SASH1: variants seen among roughly 807,000 people sequenced by gnomAD.
SASH1 encodes the protein SAM and SH3 domain-containing protein 1.
SASH1 carries 44 observed loss-of-function variants against 125.2 expected under a neutral mutation model. The ratio of observed to expected loss-of-function variants is 0.35; its 90% CI spans 0.28 to 0.45. SASH1 has a LOEUF of 0.45. SASH1 is among the 20% of genes least tolerant of loss of function. The pLI, the probability that SASH1 is intolerant of heterozygous loss-of-function variation, is 1.00. For missense variants in SASH1, 1,426 were observed against 1,614.5 expected, an observed-to-expected ratio of 0.88 and a Z score of 2.00; for synonymous variants, 639 against 649.1, an observed-to-expected ratio of 0.98 and a Z score of 0.24.
intron 1 of SASH1, among the ~76,000 whole-genome samples, chr6:148,369,554 C>T (rs1350321007): frequency 6.6e-6 from 1 of 152,126 alleles, no homozygotes; most frequent in Non-Finnish European, 1.5e-5. Context: ...ATACCTGAGG[C>T]AGATACCTCT....
the SASH1 span, among the ~76,000 whole-genome samples, chr6:148,224,670 T>C: frequency 6.6e-6 from 1 of 152,112 alleles, no homozygotes; most frequent in Non-Finnish European, 1.5e-5. Context: ...CTCCATTATT[T>C]TTATTTATAC....
chr6:148,251,530 A>G, the SASH1 span, among the ~76,000 whole-genome samples: 69 of 152,300 alleles, frequency 4.5e-4, no homozygotes, highest in Middle Eastern at 0.014. Flanking sequence ...ATTGGAGCAT[A>G]ATGACTCCAA....
At chr6:148,391,436 A>G (rs1232288633) in intron 2 of SASH1, among the ~76,000 whole-genome samples, 1 of 151,876 alleles carries the variant, frequency 6.6e-6, no homozygotes, top group African/African-American at 2.4e-5. Flanking sequence ...AAAAAAAAAA[A>G]AAAAAAAAAT....
intron 1 of SASH1, among the ~76,000 whole-genome samples, chr6:148,334,106 G>A (rs1173574126): frequency 1.4e-5 from 2 of 147,504 alleles, no homozygotes; most frequent in African/African-American, 5.0e-5. Context: ...ACAGGTGTGA[G>A]CCATCTGCAA....
At chr6:148,293,912 A>G (rs549810344) in intron 1 of SASH1, among the ~76,000 whole-genome samples, 24 of 152,222 alleles carry the variant, frequency 1.6e-4, no homozygotes, top group Non-Finnish European at 2.8e-4. Context: ...ACACTCTTTG[A>G]GCATTAACAT....
At chr6:148,518,406 C>T (rs1205102734) in intron 9 of SASH1, among the ~76,000 whole-genome samples, 1 of 152,056 alleles carries the variant, frequency 6.6e-6, no homozygotes, top group African/African-American at 2.4e-5. Flanking sequence ...TAGATTTGTA[C>T]CTATAAATCC....
chr6:148,516,496 TCCC>T (rs1243666757), intron 9 of SASH1, among the ~76,000 whole-genome samples: 2 of 9,158 alleles, frequency 2.2e-4, no homozygotes, highest in Admixed American at 1.3e-3. Context: ...AGGCGCCCCC[TCCC>T]CCCTCCCCCC....
At chr6:148,283,991 G>C (rs1021345914) in intron 1 of SASH1, among the ~76,000 whole-genome samples, 1 of 151,882 alleles carries the variant, frequency 6.6e-6, no homozygotes, top group South Asian at 2.1e-4. Flanking sequence ...CCTTCACCCT[G>C]AGTGTTAGCT....
At chr6:148,290,874 T>TA (rs11437068) in intron 1 of SASH1, among the ~76,000 whole-genome samples, 62,222 of 108,938 alleles carry the variant, frequency 0.57, 14,905 homozygotes, top group African/African-American at 0.7. Flanking sequence ...CAATAAATAC[T>TA]AAAAAAAAGT....
intron 8 of SASH1, among the ~76,000 whole-genome samples, chr6:148,511,324 TACACACACAC>T (rs58822082): frequency 0.022 from 2,930 of 135,414 alleles, 46 homozygotes; most frequent in East Asian, 0.055. Flanking sequence ...AATTTTCTAT[TACACACACAC>T]ACACACACAC....
chr6:148,437,779 A>G (rs1327872151), intron 2 of SASH1, among the ~76,000 whole-genome samples: 1 of 152,270 alleles, frequency 6.6e-6, no homozygotes, highest in East Asian at 1.9e-4. Flanking sequence ...TAAGTAGCAA[A>G]TGAACATGCT....
intron 1 of SASH1, among the ~76,000 whole-genome samples, chr6:148,298,698 GA>G (rs1298424931): frequency 5.4e-5 from 4 of 74,002 alleles, no homozygotes. Context: ...AGGAAGGAAG[GA>G]AGGAAGGAAG....
At chr6:148,341,694 C>CA (rs1020592517), upstream of SASH1, among the ~76,000 whole-genome samples, 11 of 151,006 alleles carry the variant, frequency 7.3e-5, no homozygotes, top group South Asian at 2.1e-4. Flanking sequence ...AACAAACAAA[C>CA]AAAAAAAACC....
chr6:148,512,262 C>T (rs1289221460), intron 8 of SASH1, among the ~76,000 whole-genome samples: 1 of 152,164 alleles, frequency 6.6e-6, no homozygotes, highest in East Asian at 1.9e-4. Flanking sequence ...TCGTGATCCT[C>T]CCACCTCGGC....
At chr6:148,454,071 C>G (rs1050846714) in intron 4 of SASH1, among the ~76,000 whole-genome samples, 1 of 152,100 alleles carries the variant, frequency 6.6e-6, no homozygotes, top group African/African-American at 2.4e-5. Context: ...ACAAAGTCCA[C>G]CCTGCCAGGG....
the SASH1 span, among the ~76,000 whole-genome samples, chr6:148,247,333 T>C: frequency 1.3e-5 from 2 of 152,102 alleles, no homozygotes; most frequent in Admixed American, 6.5e-5. Context: ...TTGGTAAGCA[T>C]GAAATAGAAG....
chr6:148,297,125 T>G (rs1424147490), intron 1 of SASH1, among the ~76,000 whole-genome samples: 1 of 152,208 alleles, frequency 6.6e-6, no homozygotes, highest in Non-Finnish European at 1.5e-5. Context: ...GAGTCTGTCG[T>G]GTGAACTATG....
intron 8 of SASH1, among the ~76,000 whole-genome samples, chr6:148,502,913 A>T (rs538706460): frequency 5.9e-5 from 9 of 152,134 alleles, no homozygotes; most frequent in African/African-American, 9.7e-5. Flanking sequence ...CGGAATTCCT[A>T]TATCTCTGTG....
At chr6:148,326,355 TA>T (rs1780816968) in intron 1 of SASH1, among the ~76,000 whole-genome samples, 1 of 82,414 alleles carries the variant, frequency 1.2e-5, no homozygotes, top group African/African-American at 4.3e-5. Context: ...TATATATATA[TA>T]TGCATATATA....
Sources: gnomAD v4.1 joint callset for allele counts (sites outside exome capture counted in the v4.1 genomes callset) on GRCh38, gnomAD v4.1.1 for gene constraint, MANE v1.5 for transcripts, NCBI Gene and HGNC (gene_info 2026-07-23, HGNC 2026-07-21) for gene names.